Variants in CALN1 observed in about 807,000 individuals in gnomAD.
CALN1 encodes calneuron 1.
A neutral mutation model predicts 30.6 loss-of-function variants in CALN1; 17 were observed. That is an observed-to-expected ratio of 0.56 (90% CI 0.38 to 0.83). The LOEUF is 0.83. CALN1 is among the 40% of genes least tolerant of loss of function. The probability of loss-of-function intolerance (pLI) is 0.00; values close to 1 mark genes in which losing one functional copy is unlikely to be tolerated. For synonymous variants in CALN1, 156 were observed against 131.4 expected (o/e 1.19, Z -1.28); for missense variants, 291 against 354.9 (o/e 0.82, Z 1.45).
chr7:72,345,106 T>G (rs370754780), intron 2 of CALN1, among the ~76,000 whole-genome samples: 1 of 148,940 alleles, frequency 6.7e-6, no homozygotes, highest in Non-Finnish European at 1.5e-5. Context: ...TATAATTATG[T>G]TATACGAAAT....
intron 4 of CALN1, among the ~76,000 whole-genome samples, chr7:72,045,518 TCTC>T (rs1023195627): frequency 1.3e-5 from 2 of 152,258 alleles, no homozygotes; most frequent in South Asian, 2.1e-4. Context: ...CTCCACAGGC[TCTC>T]CTGTTTTCTT....
At chr7:72,087,889 G>A (rs548051771) in intron 4 of CALN1, among the ~76,000 whole-genome samples, 2 of 152,298 alleles carry the variant, frequency 1.3e-5, no homozygotes, top group African/African-American at 2.4e-5. Context: ...TACGCTGGGC[G>A]TGATGGTGCA....
At chr7:72,123,209 C>T (rs1221310276) in intron 3 of CALN1, among the ~76,000 whole-genome samples, 1 of 152,188 alleles carries the variant, frequency 6.6e-6, no homozygotes, top group South Asian at 2.1e-4. Context: ...CAGGTGCCTA[C>T]AACAGGGTCC....
chr7:71,988,645 GAA>G (rs1346648784), intron 5 of CALN1, among the ~76,000 whole-genome samples: 1 of 152,060 alleles, frequency 6.6e-6, no homozygotes, highest in Non-Finnish European at 1.5e-5. Flanking sequence ...GAAATTAGGA[GAA>G]GTCTCCACGT....
At chr7:72,361,047 C>T (rs761869762) in intron 2 of CALN1, among the ~76,000 whole-genome samples, 5 of 152,100 alleles carry the variant, frequency 3.3e-5, no homozygotes, top group African/African-American at 7.2e-5. Flanking sequence ...TATTCTATTT[C>T]ATTCTGCCTT....
rs951180060 is a variant in CALN1, at chr7:72,162,732, C to G, written c.245-56438G>C. On this transcript the variant is annotated intron_variant, in intron 3 of 6. Coordinates refer to ENST00000395275, the MANE Select transcript of CALN1 (RefSeq NM_031468.4). ...CCACCTTGGGCAACAGAACAAGACT[C>G]TGTCTCAAAACAAAAAAACAAAAAC... 2.6e-5 allele frequency among the ~76,000 whole-genome samples: 4 copies of G among 152,174 alleles called. No homozygotes were observed. In the East Asian group the frequency reaches 7.7e-4, roughly 29 times the overall value.
intron 5 of CALN1, among the ~76,000 whole-genome samples, chr7:71,862,535 C>G (rs1238281471): frequency 1.3e-5 from 2 of 152,170 alleles, no homozygotes; most frequent in Admixed American, 6.5e-5. Context: ...GAGGCCTCCC[C>G]AGCCATGTGG....
chr7:72,479,444 T>C, the CALN1 span, among the ~76,000 whole-genome samples: 1 of 152,128 alleles, frequency 6.6e-6, no homozygotes, highest in Non-Finnish European at 1.5e-5. Context: ...CTTTTTGTTT[T>C]TAAGAAATTT....
chr7:71,877,111 A>G (rs1792291594), intron 5 of CALN1, among the ~76,000 whole-genome samples: 1 of 152,220 alleles, frequency 6.6e-6, no homozygotes, highest in Admixed American at 6.5e-5. Context: ...CATTAAAGAA[A>G]AAAAACCATA....
chr7:72,032,840 G>A (rs1801549275), intron 4 of CALN1, among the ~76,000 whole-genome samples: 1 of 152,014 alleles, frequency 6.6e-6, no homozygotes. Context: ...CACCAGAAAA[G>A]AATTGGTCTG....
At chr7:71,788,403 T>G (rs538553722) in intron 6 of CALN1, among the ~76,000 whole-genome samples, 104 of 152,284 alleles carry the variant, frequency 6.8e-4, no homozygotes, top group Non-Finnish European at 1.3e-3. Flanking sequence ...AAGTGACTTC[T>G]TGCATTATTT....
the CALN1 span, among the ~76,000 whole-genome samples, chr7:72,459,712 G>T: frequency 6.6e-6 from 1 of 150,640 alleles, no homozygotes; most frequent in South Asian, 2.1e-4. Flanking sequence ...TCTTGCTCAA[G>T]AGTTGCTGCA....
At chr7:72,020,419 T>C (rs1800637169) in intron 5 of CALN1, among the ~76,000 whole-genome samples, 1 of 152,190 alleles carries the variant, frequency 6.6e-6, no homozygotes, top group Non-Finnish European at 1.5e-5. Flanking sequence ...CCTGAACTCT[T>C]TTCCAGAAAC....
intron 2 of CALN1, among the ~76,000 whole-genome samples, chr7:72,355,178 G>A (rs563364193): frequency 3.3e-5 from 5 of 152,154 alleles, no homozygotes; most frequent in Non-Finnish European, 4.4e-5. Flanking sequence ...AAAGTGCTGC[G>A]ATTACAGGCG....
intron 3 of CALN1, among the ~76,000 whole-genome samples, chr7:72,195,773 A>G (rs929582373): frequency 3.3e-5 from 5 of 152,228 alleles, no homozygotes; most frequent in African/African-American, 7.2e-5. Context: ...GAAGGAATTA[A>G]TCAGTGGAGA....
intron 3 of CALN1, among the ~76,000 whole-genome samples, chr7:72,107,931 G>A (rs977402551): frequency 6.6e-6 from 1 of 152,164 alleles, no homozygotes; most frequent in Non-Finnish European, 1.5e-5. Context: ...CCTCGGTTCT[G>A]ACTCATTTAC....
intron 5 of CALN1, among the ~76,000 whole-genome samples, chr7:71,971,994 AG>A (rs1797861285): frequency 8.5e-6 from 1 of 117,774 alleles, no homozygotes; most frequent in South Asian, 3.0e-4. Context: ...AGAAAGAAAG[AG>A]AAAGAAAGAA....
intron 3 of CALN1, among the ~76,000 whole-genome samples, chr7:72,160,889 C>G (rs1788061672): frequency 6.6e-6 from 1 of 152,200 alleles, no homozygotes. Flanking sequence ...CAAAATCTTC[C>G]TTCCATACCG....
At chr7:71,808,609 C>G (rs1787757811) in intron 6 of CALN1, among the ~76,000 whole-genome samples, 1 of 152,032 alleles carries the variant, frequency 6.6e-6, no homozygotes, top group Non-Finnish European at 1.5e-5. Context: ...AATAAAAAGG[C>G]CTTACTTCGA....
Sources: allele counts gnomAD v4.1 joint callset (sites outside exome capture counted in the v4.1 genomes callset), GRCh38; gene constraint gnomAD v4.1.1; transcripts MANE v1.5; gene names NCBI Gene and HGNC (gene_info 2026-07-23, HGNC 2026-07-21).